The following KCNN2 variants were observed in gnomAD, a reference collection of about 807,000 sequenced individuals.
KCNN2 encodes small conductance calcium-activated potassium channel protein 2.
KCNN2 carries 24 observed loss-of-function variants against 55.5 expected under a neutral mutation model. The ratio of observed to expected loss-of-function variants is 0.43; its 90% CI spans 0.31 to 0.61. The LOEUF (loss-of-function observed/expected upper bound fraction) is 0.61. Ranked by LOEUF, KCNN2 falls within the 20% of genes least tolerant of loss-of-function variation. The pLI is 0.08. For synonymous variants in KCNN2, 431 were observed against 336.1 expected, an observed-to-expected ratio of 1.28 and a Z score of -3.09; for missense variants, 754 against 853.6, an observed-to-expected ratio of 0.88 and a Z score of 1.45.
At chr5:114,448,990 C>T (rs945395308) in intron 3 of KCNN2, among the ~76,000 whole-genome samples, 3 of 152,110 alleles carry the variant, frequency 2.0e-5, no homozygotes, top group Non-Finnish European at 4.4e-5. Context: ...TAGAGATGTA[C>T]GTCCTCCCTC....
intron 1 of KCNN2, among the ~76,000 whole-genome samples, chr5:114,143,320 A>AAC (rs1752327250): frequency 6.6e-6 from 1 of 152,178 alleles, no homozygotes; most frequent in South Asian, 2.1e-4. Flanking sequence ...TTAAAACAGA[A>AAC]ACACAGTCTT....
chr5:114,415,054 C>T (rs1441739258), intron 3 of KCNN2, among the ~76,000 whole-genome samples: 1 of 152,194 alleles, frequency 6.6e-6, no homozygotes, highest in African/African-American at 2.4e-5. Flanking sequence ...CTGAGGCTGT[C>T]ATATAAATTG....
chr5:114,476,839 A>G (rs1761991017), intron 5 of KCNN2, among the ~76,000 whole-genome samples: 1 of 152,194 alleles, frequency 6.6e-6, no homozygotes, highest in African/African-American at 2.4e-5. Flanking sequence ...TATATACTCA[A>G]CAAGGTATAG....
intron 1 of KCNN2, among the ~76,000 whole-genome samples, chr5:114,197,687 T>G (rs1487300583): frequency 6.6e-6 from 1 of 152,020 alleles, no homozygotes; most frequent in Non-Finnish European, 1.5e-5. Context: ...GGAGGCAGAA[T>G]AGGGGTGGGA....
intron 2 of KCNN2, among the ~76,000 whole-genome samples, chr5:114,392,323 A>G (rs1758471965): frequency 6.6e-6 from 1 of 152,238 alleles, no homozygotes; most frequent in Non-Finnish European, 1.5e-5. Context: ...AGTTAGTAGC[A>G]TATCTAGGAT....
At chr5:114,386,014 TA>T (rs57593879) in intron 2 of KCNN2, among the ~76,000 whole-genome samples, 7 of 148,746 alleles carry the variant, frequency 4.7e-5, no homozygotes, top group East Asian at 2.0e-4. Context: ...CTGTCTCTAT[TA>T]AAAAAAAATA....
Position 114,322,780 on chromosome 5 carries a change from T to C in KCNN2, c.-184-38165T>C, listed in dbSNP as rs79593799. Among the ~76,000 whole-genome samples the C allele has an allele frequency of 8.9e-4, 136 of 152,358 alleles. 2 individuals carry two copies. The East Asian group carries it at 0.023, about 26-fold the overall frequency. On this transcript the variant is annotated intron_variant, in intron 2 of 10. Coordinates refer to the KCNN2 transcript ENST00000512097. Reference sequence around the variant, plus strand: ...TAAGTATAACTTTACATTTTGATGGTAATATATTTTAAAACATAAAATGCT... The same window carrying C: ...TAAGTATAACTTTACATTTTGATGGCAATATATTTTAAAACATAAAATGCT...
At chr5:114,159,274 C>T (rs974141325) in intron 1 of KCNN2, among the ~76,000 whole-genome samples, 3 of 151,870 alleles carry the variant, frequency 2.0e-5, no homozygotes, top group Non-Finnish European at 4.4e-5. Flanking sequence ...GTGGTTTTTA[C>T]CTTTGGTTCT....
In KCNN2 at chr5:114,160,700, C is replaced by T. The variant is rs200037834; in HGVS notation, c.-270-60780C>T. ...AATCTGGGTGCTCCTGTATTGGGTG[C>T]ATATATATTTAGGATAGTTAGTTCT... On this transcript the variant is annotated intron_variant, in intron 1 of 10. Transcript: ENST00000512097. 8.5e-5 allele frequency among the ~76,000 whole-genome samples: 13 copies of T among 152,088 alleles called. No individual in the cohort carries two copies. The East Asian group carries it at 1.9e-3, about 23-fold the overall frequency.
At chr5:114,442,106 G>A (rs1473388450) in intron 3 of KCNN2, among the ~76,000 whole-genome samples, 2 of 152,022 alleles carry the variant, frequency 1.3e-5, no homozygotes, top group Non-Finnish European at 2.9e-5. Flanking sequence ...TGACAACCTG[G>A]TTGGTTCCTG....
chr5:114,064,371 G>A (rs1431243592), intron 1 of KCNN2, among the ~76,000 whole-genome samples: 3 of 152,158 alleles, frequency 2.0e-5, no homozygotes, highest in Non-Finnish European at 4.4e-5. Flanking sequence ...TTAAGAGGAT[G>A]GTGGTTTTTG....
chr5:114,082,790 A>G (rs1265999841), intron 1 of KCNN2, among the ~76,000 whole-genome samples: 1 of 152,214 alleles, frequency 6.6e-6, no homozygotes, highest in Non-Finnish European at 1.5e-5. Context: ...ACATTATGCT[A>G]AGTGAAATAA....
chr5:114,311,608 T>C (rs1756392018), intron 2 of KCNN2, among the ~76,000 whole-genome samples: 1 of 152,192 alleles, frequency 6.6e-6, no homozygotes, highest in African/African-American at 2.4e-5. Flanking sequence ...AGATTTCTCT[T>C]TTCAGTTGCT....
intron 2 of KCNN2, among the ~76,000 whole-genome samples, chr5:114,330,039 C>T (rs924897494): frequency 4.6e-5 from 7 of 152,052 alleles, no homozygotes; most frequent in Non-Finnish European, 8.8e-5. Context: ...TTGAGCCTGG[C>T]TCTCTTAGAC....
At chr5:114,485,020 C>T (rs1471421839) in intron 5 of KCNN2, among the ~76,000 whole-genome samples, 1 of 152,100 alleles carries the variant, frequency 6.6e-6, no homozygotes, top group Non-Finnish European at 1.5e-5. Flanking sequence ...TCTTCATATA[C>T]CCAAGAGAAG....
intron 3 of KCNN2, among the ~76,000 whole-genome samples, chr5:114,411,450 A>G (rs902269758): frequency 2.6e-5 from 4 of 152,076 alleles, no homozygotes; most frequent in Non-Finnish European, 5.9e-5. Flanking sequence ...GAGACAGGGT[A>G]TGCTGGTATA....
intron 2 of KCNN2, among the ~76,000 whole-genome samples, chr5:114,377,761 A>AT (rs1213054963): frequency 1.3e-5 from 2 of 152,170 alleles, no homozygotes; most frequent in East Asian, 3.9e-4. Flanking sequence ...TCCCAGGCTC[A>AT]TTTTTTCATC....
chr5:114,449,299 C>T (rs914198229), intron 3 of KCNN2, among the ~76,000 whole-genome samples: 3 of 152,122 alleles, frequency 2.0e-5, no homozygotes, highest in Non-Finnish European at 4.4e-5. Context: ...GGCAGCAAAA[C>T]GTAGTGTAGG....
chr5:114,071,230 G>T (rs1404822138), intron 1 of KCNN2, among the ~76,000 whole-genome samples: 1 of 152,172 alleles, frequency 6.6e-6, no homozygotes, highest in Non-Finnish European at 1.5e-5. Context: ...CGGAGGTGTG[G>T]CAGGTGAGAA....
Sources: allele counts gnomAD v4.1 joint callset (sites outside exome capture counted in the v4.1 genomes callset), GRCh38; gene constraint gnomAD v4.1.1; transcripts MANE v1.5; gene names NCBI Gene and HGNC (gene_info 2026-07-23, HGNC 2026-07-21).